The following DPH6 variants were observed in gnomAD, a reference collection of about 807,000 sequenced individuals.
The protein encoded by DPH6 is diphthine--ammonia ligase.
Under a neutral mutation model 38.2 loss-of-function variants are expected in DPH6, and 33 were observed. The ratio of observed to expected loss-of-function variants is 0.86; its 90% CI spans 0.65 to 1.15. DPH6 has a LOEUF of 1.15. DPH6 is among the 50% of genes most tolerant of loss of function. The pLI is 0.00. For synonymous variants in DPH6, 108 were observed against 103.0 expected (o/e 1.05, Z -0.30); for missense variants, 325 against 320.0 (o/e 1.02, Z -0.12).
intron 3 of DPH6, among the ~76,000 whole-genome samples, chr15:35,528,339 A>C (rs1450325389): frequency 6.6e-6 from 1 of 152,170 alleles, no homozygotes; most frequent in Non-Finnish European, 1.5e-5. Context: ...GGATGCTATA[A>C]AATATAGGAT....
At chr15:35,401,200 CAA>C in intron 6 of DPH6, 1 of 1,215,858 alleles carries the variant, frequency 8.2e-7, no homozygotes, top group South Asian at 1.2e-5. Context: ...CCTGTCAAAC[CAA>C]GAGATGGCTA....
At chr15:35,233,202 G>A (rs957545310) in intron 3 of DPH6, among the ~76,000 whole-genome samples, 10 of 152,056 alleles carry the variant, frequency 6.6e-5, no homozygotes, top group Admixed American at 1.3e-4. Flanking sequence ...CCAGCTACTC[G>A]GGAATCTGAG....
At chr15:35,512,462 A>G (rs1354709183) in intron 3 of DPH6, among the ~76,000 whole-genome samples, 1 of 152,158 alleles carries the variant, frequency 6.6e-6, no homozygotes, top group Non-Finnish European at 1.5e-5. Context: ...TTTAGTATAA[A>G]GTATACTAAA....
At chr15:35,215,283 G>A (rs967692920), downstream of DPH6, among the ~76,000 whole-genome samples, 1 of 152,178 alleles carries the variant, frequency 6.6e-6, no homozygotes, top group Non-Finnish European at 1.5e-5. Context: ...ACAGATGATT[G>A]TCTAGATGTC....
intron 6 of DPH6, among the ~76,000 whole-genome samples, chr15:35,404,287 T>C (rs2053261143): frequency 6.6e-6 from 1 of 152,132 alleles, no homozygotes. Flanking sequence ...TTTTTTAGTT[T>C]TTTGAGGAGC....
chr15:35,404,975 A>C (rs1483266475), intron 6 of DPH6, among the ~76,000 whole-genome samples: 1 of 152,104 alleles, frequency 6.6e-6, no homozygotes, highest in Non-Finnish European at 1.5e-5. Flanking sequence ...AATTTATTGA[A>C]GAGATTGTTT....
chr15:35,255,076 C>T (rs977652437), intron 3 of DPH6, among the ~76,000 whole-genome samples: 5 of 152,056 alleles, frequency 3.3e-5, no homozygotes, highest in Non-Finnish European at 5.9e-5. Flanking sequence ...ACAGGGGATG[C>T]GATGGCCTGG....
chr15:35,448,229 G>A (rs548205246), intron 5 of DPH6, among the ~76,000 whole-genome samples: 1 of 152,098 alleles, frequency 6.6e-6, no homozygotes, highest in South Asian at 2.1e-4. Context: ...TATGTTTATA[G>A]AAAGATTATA....
chr15:35,343,307 C>T (rs2052436848), intron 3 of DPH6, among the ~76,000 whole-genome samples: 1 of 152,072 alleles, frequency 6.6e-6, no homozygotes, highest in Non-Finnish European at 1.5e-5. Flanking sequence ...CAGGTAAAGT[C>T]CTTAAATATC....
intron 3 of DPH6, among the ~76,000 whole-genome samples, chr15:35,341,048 A>C (rs1049389622): frequency 5.3e-5 from 8 of 152,040 alleles, no homozygotes; most frequent in African/African-American, 1.9e-4. Context: ...ATAATTCCAT[A>C]ATTCTTGGAG....
intron 3 of DPH6, among the ~76,000 whole-genome samples, chr15:35,470,506 A>C (rs930704906): frequency 2.6e-5 from 4 of 152,236 alleles, no homozygotes; most frequent in African/African-American, 7.2e-5. Flanking sequence ...AAAGAAAATA[A>C]ATATTTCAAA....
At chr15:35,250,024 G>A (rs1664134210) in intron 3 of DPH6, among the ~76,000 whole-genome samples, 1 of 151,596 alleles carries the variant, frequency 6.6e-6, no homozygotes, top group South Asian at 2.1e-4. Flanking sequence ...AAATTAGCCG[G>A]GCGTGGTGGG....
chr15:35,521,632 A>G (rs764897966), intron 3 of DPH6: 14 of 1,230,092 alleles, frequency 1.1e-5, no homozygotes, highest in Non-Finnish European at 1.3e-5. Context: ...AAAATCAGGC[A>G]ATGTATTTTT....
At chr15:35,302,384 A>AC (rs1295753533) in intron 3 of DPH6, among the ~76,000 whole-genome samples, 2 of 152,208 alleles carry the variant, frequency 1.3e-5, no homozygotes, top group Admixed American at 6.5e-5. Flanking sequence ...TGCAGATCCT[A>AC]CCCACTGTTC....
intron 3 of DPH6, among the ~76,000 whole-genome samples, chr15:35,293,027 T>G (rs2051990176): frequency 1.3e-5 from 2 of 152,188 alleles, no homozygotes; most frequent in Admixed American, 1.3e-4. Flanking sequence ...ACCATAATAA[T>G]GAACATAAGG....
At chr15:35,195,060 T>A in the DPH6 span, among the ~76,000 whole-genome samples, 1 of 152,180 alleles carries the variant, frequency 6.6e-6, no homozygotes, top group East Asian at 1.9e-4. Flanking sequence ...CCTCTCTTTA[T>A]CCACCCCTTT....
Position 35,436,509 on chromosome 15 carries a change from C to CAAAAAAAAAAAAAAA in DPH6, c.505+14175_505+14176insTTTTTTTTTTTTTTT, listed in dbSNP as rs1491101707. On this transcript the variant is annotated intron_variant, in intron 5 of 8. Transcript: ENST00000256538. Reference sequence around the variant, plus strand: ...CAAAACAAAACAAAACAAAACAAAACAAAACAAAAAAGGTTCTCTCCCTGT... The same window carrying CAAAAAAAAAAAAAAA: ...CAAAACAAAACAAAACAAAACAAAACAAAAAAAAAAAAAAAAAAACAAAAAAGGTTCTCTCCCTGT... Among the ~76,000 whole-genome samples, 53 of 107,540 alleles carry CAAAAAAAAAAAAAAA rather than the reference C, an allele frequency of 4.9e-4. 1 individual carries two copies. The highest frequency in any genetic ancestry group is 1.9e-3 in the African/African-American group (45 of 23,814). 70.6% of individuals were successfully genotyped at this position (107,540 alleles called of 152,430 possible).
chr15:35,207,421 A>G, the DPH6 span, among the ~76,000 whole-genome samples: 2 of 152,124 alleles, frequency 1.3e-5, no homozygotes, highest in African/African-American at 4.8e-5. Flanking sequence ...TCAGTCCTGT[A>G]CTCACTTAGC....
chr15:35,323,569 T>C (rs1014579961), intron 3 of DPH6, among the ~76,000 whole-genome samples: 1 of 152,202 alleles, frequency 6.6e-6, no homozygotes, highest in African/African-American at 2.4e-5. Flanking sequence ...CTTTAGTTAC[T>C]GCCACATTTA....
Sources: allele counts gnomAD v4.1 joint callset (sites outside exome capture counted in the v4.1 genomes callset), GRCh38; gene constraint gnomAD v4.1.1; transcripts MANE v1.5; gene names NCBI Gene and HGNC (gene_info 2026-07-23, HGNC 2026-07-21).